Variants in PTPRD observed in about 807,000 individuals in gnomAD.
The protein encoded by PTPRD is receptor-type tyrosine-protein phosphatase delta.
In PTPRD, 34 loss-of-function variants were observed where a neutral mutation model predicts 214.5. That is an observed-to-expected ratio of 0.16 (90% CI 0.12 to 0.21). The LOEUF (loss-of-function observed/expected upper bound fraction) is 0.21. PTPRD is among the 10% of genes least tolerant of loss of function. The pLI is 1.00. For missense variants in PTPRD, 2,545 were observed against 2,398.7 expected (o/e 1.06, Z -1.27); for synonymous variants, 1,128 against 845.7 (o/e 1.33, Z -5.79).
intron 5 of PTPRD, among the ~76,000 whole-genome samples, chr9:9,867,918 G>C (rs1291703956): frequency 6.6e-6 from 1 of 152,156 alleles, no homozygotes; most frequent in Non-Finnish European, 1.5e-5. Flanking sequence ...AATCTGGAAG[G>C]AGCCAAACAT....
intron 8 of PTPRD, among the ~76,000 whole-genome samples, chr9:9,411,575 G>C (rs1031068732): frequency 1.3e-5 from 2 of 152,108 alleles, no homozygotes; most frequent in Non-Finnish European, 2.9e-5. Flanking sequence ...AGTGGAAATA[G>C]CCTTTTGCTA....
intron 4 of PTPRD, among the ~76,000 whole-genome samples, chr9:9,952,932 G>T (rs777832438): frequency 6.6e-6 from 1 of 152,180 alleles, no homozygotes; most frequent in Non-Finnish European, 1.5e-5. Context: ...TGATATAATT[G>T]GCAAGTAGAA....
rs111448920 is a variant in PTPRD at position 8,690,440 on chromosome 9, C to T, written c.64+43340G>A. On this transcript the variant is annotated intron_variant, in intron 12 of 45. Coordinates refer to ENST00000381196, the MANE Select transcript of PTPRD (RefSeq NM_002839.4). ...TACTTGGGAGGCTGAGGCAGGAGAA[C>T]GGCATGAACCACCAGGAGGGAGAGC... Among the ~76,000 whole-genome samples, 818 of 150,580 alleles carry T rather than the reference C, an allele frequency of 5.4e-3. 10 individuals carry two copies. Among genetic ancestry groups the T allele is most frequent in the African/African-American group, 0.019 (766 of 40,898 alleles).
chr9:9,554,659 C>T (rs1339160317), intron 8 of PTPRD, among the ~76,000 whole-genome samples: 3 of 151,976 alleles, frequency 2.0e-5, no homozygotes, highest in Admixed American at 2.0e-4. Context: ...AGGCTTGACT[C>T]ATTAGAATTC....
At chr9:8,906,861 A>G (rs966539789) in intron 11 of PTPRD, among the ~76,000 whole-genome samples, 1 of 152,026 alleles carries the variant, frequency 6.6e-6, no homozygotes, top group Non-Finnish European at 1.5e-5. Context: ...TAAACTCTAC[A>G]CATCCCCGGC....
At chr9:9,685,882 A>G (rs981171018) in intron 7 of PTPRD, among the ~76,000 whole-genome samples, 5 of 151,374 alleles carry the variant, frequency 3.3e-5, no homozygotes, top group Non-Finnish European at 7.4e-5. Flanking sequence ...TTCTTTCTCA[A>G]AAAGGAATTA....
chr9:9,211,502 C>T (rs923034924), intron 9 of PTPRD, among the ~76,000 whole-genome samples: 15 of 144,204 alleles, frequency 1.0e-4, no homozygotes, highest in Non-Finnish European at 2.1e-4. Flanking sequence ...TTCCTCTCCC[C>T]CAGTGTGCGC....
At chr9:8,508,200 G>C (rs1182212304) in intron 21 of PTPRD, among the ~76,000 whole-genome samples, 1 of 152,176 alleles carries the variant, frequency 6.6e-6, no homozygotes, top group Admixed American at 6.5e-5. Context: ...TAATTCTCAT[G>C]TTAGCCATGT....
intron 3 of PTPRD, among the ~76,000 whole-genome samples, chr9:10,295,539 T>A (rs1181086342): frequency 6.6e-6 from 1 of 152,082 alleles, no homozygotes; most frequent in African/African-American, 2.4e-5. Context: ...ATTACTCCCT[T>A]CTCTGTGATT....
intron 3 of PTPRD, among the ~76,000 whole-genome samples, chr9:10,039,977 T>C (rs1341271127): frequency 1.3e-5 from 2 of 152,074 alleles, no homozygotes; most frequent in African/African-American, 2.4e-5. Context: ...TTCTCCTAAA[T>C]TGCCTTTAGT....
At chr9:10,496,218 T>A (rs1231175622) in intron 2 of PTPRD, among the ~76,000 whole-genome samples, 1 of 151,830 alleles carries the variant, frequency 6.6e-6, no homozygotes, top group Admixed American at 6.6e-5. Context: ...TATCTTCGAA[T>A]TTTTGTAAGA....
At chr9:8,439,750 G>T (rs976855047) in intron 34 of PTPRD, among the ~76,000 whole-genome samples, 1 of 151,604 alleles carries the variant, frequency 6.6e-6, no homozygotes. Flanking sequence ...GAAAAAAAAT[G>T]TTATATGATA....
chr9:10,118,175 G>A (rs973174004), intron 3 of PTPRD, among the ~76,000 whole-genome samples: 2 of 150,512 alleles, frequency 1.3e-5, no homozygotes, highest in African/African-American at 4.9e-5. Context: ...CTCAATGGCT[G>A]AAGGAAACTT....
intron 3 of PTPRD, among the ~76,000 whole-genome samples, chr9:10,296,960 A>G (rs938807093): frequency 1.3e-5 from 2 of 151,776 alleles, no homozygotes; most frequent in East Asian, 1.9e-4. Flanking sequence ...TCTTCATTAG[A>G]AAAGAAGAGT....
chr9:9,681,259 G>A (rs1469948920), intron 7 of PTPRD, among the ~76,000 whole-genome samples: 4 of 151,642 alleles, frequency 2.6e-5, no homozygotes, highest in Admixed American at 2.0e-4. Context: ...AGGGTGCGGA[G>A]CCCTGTTTCC....
At chr9:10,487,620 C>T (rs893667895) in intron 2 of PTPRD, among the ~76,000 whole-genome samples, 1 of 151,744 alleles carries the variant, frequency 6.6e-6, no homozygotes, top group African/African-American at 2.4e-5. Flanking sequence ...CCAAATACGG[C>T]ATGTTCTCAC....
At chr9:10,333,021 ATGGATGTATCT>A (rs2096779638) in intron 3 of PTPRD, among the ~76,000 whole-genome samples, 1 of 151,910 alleles carries the variant, frequency 6.6e-6, no homozygotes, top group African/African-American at 2.4e-5. Context: ...TGCTTTGATC[ATGGATGTATCT>A]TAACAGCTTG....
At chr9:10,450,713 T>G (rs2098835978) in intron 2 of PTPRD, among the ~76,000 whole-genome samples, 1 of 152,024 alleles carries the variant, frequency 6.6e-6, no homozygotes, top group Admixed American at 6.5e-5. Flanking sequence ...GTAGTCATTA[T>G]TTAAAACCAT....
At chr9:9,739,787 G>T (rs1023469765) in intron 6 of PTPRD, among the ~76,000 whole-genome samples, 8 of 151,772 alleles carry the variant, frequency 5.3e-5, no homozygotes, top group African/African-American at 1.9e-4. Context: ...TGTTGAGATA[G>T]ATACTTATAT....
Sources: gnomAD v4.1 joint callset for allele counts (sites outside exome capture counted in the v4.1 genomes callset) on GRCh38, gnomAD v4.1.1 for gene constraint, MANE v1.5 for transcripts, NCBI Gene and HGNC (gene_info 2026-07-23, HGNC 2026-07-21) for gene names.